HERC3: variants seen among roughly 807,000 people sequenced by gnomAD.
HERC3 encodes HECT and RLD domain containing E3 ubiquitin protein ligase 3, also known as probable E3 ubiquitin-protein ligase HERC3.
In HERC3, 58 loss-of-function variants were observed where a neutral mutation model predicts 129.9. The ratio of observed to expected loss-of-function variants is 0.45; its 90% CI spans 0.36 to 0.56. HERC3 has a LOEUF of 0.56. Ranked by LOEUF, HERC3 falls within the 20% of genes least tolerant of loss-of-function variation. The pLI, the probability that HERC3 is intolerant of heterozygous loss-of-function variation, is 0.00. For synonymous variants in HERC3, 430 were observed against 451.0 expected (o/e 0.95, Z 0.59); for missense variants, 835 against 1,244.2 (o/e 0.67, Z 4.95).
chr4:88,648,928 A>T (rs1196771945), intron 3 of HERC3, among the ~76,000 whole-genome samples: 1 of 149,068 alleles, frequency 6.7e-6, no homozygotes, highest in East Asian at 2.0e-4. Context: ...TTATGCTACC[A>T]CATTTTTGGT....
the HERC3 span, among the ~76,000 whole-genome samples, chr4:88,567,417 A>G: frequency 2.0e-5 from 3 of 152,146 alleles, no homozygotes; most frequent in Non-Finnish European, 4.4e-5. Flanking sequence ...AATAACTCTT[A>G]GATTTGCCCT....
intron 3 of HERC3, among the ~76,000 whole-genome samples, chr4:88,649,463 C>T (rs1729042920): frequency 2.0e-5 from 3 of 152,112 alleles, no homozygotes; most frequent in South Asian, 2.1e-4. Flanking sequence ...CACTCACTCC[C>T]GCTACTTTTA....
At chr4:88,651,113 T>C (rs563316426) in intron 4 of HERC3, among the ~76,000 whole-genome samples, 4 of 152,324 alleles carry the variant, frequency 2.6e-5, no homozygotes, top group African/African-American at 7.2e-5. Flanking sequence ...CTAGATGTTA[T>C]GTTGTGTGTA....
chr4:88,662,992 G>T (rs1253738456), intron 11 of HERC3, among the ~76,000 whole-genome samples: 1 of 146,452 alleles, frequency 6.8e-6, no homozygotes, highest in African/African-American at 2.6e-5. Flanking sequence ...GTAATTCAGA[G>T]TCATGTAGAA....
At chr4:88,546,912 G>A in the HERC3 span, among the ~76,000 whole-genome samples, 58 of 152,196 alleles carry the variant, frequency 3.8e-4, no homozygotes, top group Middle Eastern at 6.8e-3. Flanking sequence ...CTTCAATAAT[G>A]TGTCATATTC....
intron 3 of HERC3, 92 bp downstream of exon 3, chr4:88,606,141 G>C (rs1723597301): frequency 9.8e-7 from 1 of 1,016,662 alleles, no homozygotes; most frequent in Non-Finnish European, 1.4e-6. Flanking sequence ...TCTCCACCAA[G>C]TGTTCGGTTT....
Position 88,706,914 on chromosome 4 carries a change from G to C in HERC3, c.3107G>C (p.Arg1036Pro), listed in dbSNP as rs866354517. The C allele has an allele frequency of 6.2e-7, 1 of 1,614,034 alleles. No homozygotes were observed. Among genetic ancestry groups the C allele is most frequent in the Non-Finnish European group, 8.5e-7 (1 of 1,180,042 alleles). The part of the protein sequence containing the change: ...KYSSKEILSA[R>P]LTQALDNYEG... ...AGCAGCAAAGAGATTCTGAGTGCCC[G>C]GCTGACCCAGGCCCTTGACAACTAT... Residue 1036 changes from arginine (R) to proline (P), a missense_variant, in exon 26 of 26, where the codon CGG becomes CCG. Arg to Pro is a moderately radical substitution (Grantham distance 103). Coordinates refer to ENST00000402738, the MANE Select transcript of HERC3 (RefSeq NM_014606.3).
chr4:88,696,016 C>T (rs1734565131), intron 23 of HERC3: 1 of 152,608 alleles, frequency 6.6e-6, no homozygotes, highest in Non-Finnish European at 1.5e-5. Flanking sequence ...AAAACCCACA[C>T]AGAAGCTAAG....
intron 3 of HERC3, among the ~76,000 whole-genome samples, chr4:88,645,925 A>C (rs768561735): frequency 6.6e-6 from 1 of 152,204 alleles, no homozygotes; most frequent in Non-Finnish European, 1.5e-5. Context: ...TTCTCGTGTG[A>C]ACAGACGATG....
chr4:88,628,551 GACT>G (rs879936001), intron 3 of HERC3, among the ~76,000 whole-genome samples: 2 of 152,022 alleles, frequency 1.3e-5, no homozygotes, highest in Admixed American at 6.6e-5. Context: ...ATTGACAGAA[GACT>G]GCAATTTCAG....
intron 3 of HERC3, among the ~76,000 whole-genome samples, chr4:88,637,320 G>T (rs1192393818): frequency 6.6e-6 from 1 of 152,080 alleles, no homozygotes; most frequent in Non-Finnish European, 1.5e-5. Context: ...CAGCTACTCA[G>T]GAGGCTGAGG....
intron 21 of HERC3, among the ~76,000 whole-genome samples, chr4:88,685,601 G>T (rs1384053787): frequency 6.6e-6 from 1 of 152,142 alleles, no homozygotes; most frequent in Non-Finnish European, 1.5e-5. Flanking sequence ...CTTTCGGGTG[G>T]TGGAGGTGGG....
chr4:88,636,738 G>A (rs552630995), intron 3 of HERC3, among the ~76,000 whole-genome samples: 48 of 152,268 alleles, frequency 3.2e-4, no homozygotes, highest in African/African-American at 1.1e-3. Flanking sequence ...CCACATAATT[G>A]GAAGTAAAAC....
At chr4:88,587,530 T>C (rs917370525), upstream of HERC3, among the ~76,000 whole-genome samples, 1 of 152,246 alleles carries the variant, frequency 6.6e-6, no homozygotes. Context: ...ATTAGGTATA[T>C]TTGCTGTGTT....
chr4:88,610,786 A>C (rs1724229595), intron 3 of HERC3, among the ~76,000 whole-genome samples: 1 of 152,236 alleles, frequency 6.6e-6, no homozygotes, highest in Admixed American at 6.5e-5. Flanking sequence ...GATCTGTAGA[A>C]GGCATCATAA....
In HERC3 at chr4:88,669,970, C is replaced by G. The variant is rs780879871; in HGVS notation, c.1744C>G (p.Leu582Val). ...RGRKTFLIPVLFNNYITAALK... is the reference protein window; with the variant it reads ...RGRKTFLIPVVFNNYITAALK... ...AAGAAAGACATTCTTAATTCCCGTA[C>G]TGTTTAACAATTATATCACAGCAGC... is the stretch of plus-strand genomic sequence containing the variant. Residue 582 changes from leucine to valine, a missense_variant, in exon 15 of 26, where the codon CTG (leucine) becomes GTG (valine). Leu to Val is a conservative substitution (Grantham distance 32, BLOSUM62 1). Transcript: ENST00000402738. The G allele has an allele frequency of 6.2e-7, 1 of 1,613,800 alleles. No individual in the cohort carries two copies. The highest frequency in any genetic ancestry group is 8.5e-7 in the Non-Finnish European group (1 of 1,179,794).
intron 3 of HERC3, among the ~76,000 whole-genome samples, chr4:88,648,309 T>G (rs951649230): frequency 6.6e-6 from 1 of 152,220 alleles, no homozygotes; most frequent in Non-Finnish European, 1.5e-5. Context: ...GTAAGATTCC[T>G]GGTTCCTAAA....
intron 3 of HERC3, among the ~76,000 whole-genome samples, chr4:88,606,822 G>C (rs535442325): frequency 1.1e-3 from 172 of 152,274 alleles, no homozygotes; most frequent in African/African-American, 3.2e-3. Flanking sequence ...GGGAATTCAA[G>C]ATGAGATTTG....
At chr4:88,586,658 C>T in the HERC3 span, among the ~76,000 whole-genome samples, 5 of 151,770 alleles carry the variant, frequency 3.3e-5, no homozygotes, top group Admixed American at 2.6e-4. Flanking sequence ...CACGCCTGGC[C>T]GAATAAGCCA....
Sources: gnomAD v4.1 joint callset for allele counts (sites outside exome capture counted in the v4.1 genomes callset) on GRCh38, gnomAD v4.1.1 for gene constraint, MANE v1.5 for transcripts, NCBI Gene and HGNC (gene_info 2026-07-23, HGNC 2026-07-21) for gene names.